SLC7A6: variants seen among roughly 807,000 people sequenced by gnomAD.
SLC7A6 encodes the protein Y+L amino acid transporter 2.
A neutral mutation model predicts 46.6 loss-of-function variants in SLC7A6; 29 were observed. The ratio of observed to expected loss-of-function variants is 0.62; its 90% CI spans 0.46 to 0.85. The LOEUF is 0.85. SLC7A6 is among the 40% of genes least tolerant of loss of function. SLC7A6 has a pLI of 0.00. For missense variants in SLC7A6, 527 were observed against 647.6 expected (o/e 0.81, Z 2.02); for synonymous variants, 276 against 257.3 (o/e 1.07, Z -0.70).
In SLC7A6 at chr16:68,275,011, C is replaced by T; in HGVS notation, c.285C>T (p.Ala95=). 6.2e-7 allele frequency: 1 copy of T among 1,614,096 alleles called. No homozygotes were observed. The highest frequency in any genetic ancestry group is 8.5e-7 in the Non-Finnish European group (1 of 1,180,028). The part of the protein sequence containing the change: ...AIGGLFSVVG[A]LCYAELGTTI... Reference sequence around the variant, plus strand: ...GTGGGCTCTTCTCTGTTGTGGGTGCCCTTTGTTATGCAGAGCTGGGGACCA... The same window carrying T: ...GTGGGCTCTTCTCTGTTGTGGGTGCTCTTTGTTATGCAGAGCTGGGGACCA... Residue 95 remains alanine (A), a synonymous_variant, in exon 3 of 11, where the codon GCC becomes GCT. Coordinates refer to ENST00000219343, the MANE Select transcript of SLC7A6 (RefSeq NM_003983.6).
chr16:68,276,489 G>C (rs1467490142), intron 3 of SLC7A6, among the ~76,000 whole-genome samples: 1 of 152,094 alleles, frequency 6.6e-6, no homozygotes, highest in African/African-American at 2.4e-5. Context: ...TAGCAATAAA[G>C]GACTGTAGAA....
chr16:68,279,208 G>A (rs977813582), intron 3 of SLC7A6, among the ~76,000 whole-genome samples: 2 of 151,276 alleles, frequency 1.3e-5, no homozygotes, highest in South Asian at 2.1e-4. Context: ...CAGTGGCAGT[G>A]GTGTGCATCT....
rs1413856306 is a variant in SLC7A6, at chr16:68,266,574, C to T, written c.-165-19C>T. On this transcript the variant is annotated intron_variant, in intron 1 of 10. Transcript: ENST00000219343. ...AAGAGTTCATTTTTTGATCAGTTCC[C>T]TCCCACTCTTTGTTGCAGAGTTTAT... 6.6e-6 allele frequency: 1 copy of T among 152,036 alleles called. No individual in the cohort carries two copies. Among genetic ancestry groups the T allele is most frequent in the African/African-American group, 2.4e-5 (1 of 41,400 alleles). 9.4% of individuals were successfully genotyped at this position (152,036 alleles called of 1,614,324 possible).
chr16:68,279,170 T>TA (rs66832488), intron 3 of SLC7A6, among the ~76,000 whole-genome samples: 114,773 of 144,950 alleles, frequency 0.79, 45,798 homozygotes, highest in African/African-American at 0.94. Flanking sequence ...ACCCCACCTC[T>TA]AAAAAAAAAA....
chr16:68,276,776 T>C (rs2042719477), intron 3 of SLC7A6, among the ~76,000 whole-genome samples: 1 of 152,106 alleles, frequency 6.6e-6, no homozygotes, highest in Non-Finnish European at 1.5e-5. Context: ...GGTAGGAGGA[T>C]TGCTTGAGCT....
chr16:68,297,479 A>G lies in SLC7A6; in HGVS notation c.*151A>G. 1.8e-6 allele frequency: 1 copy of G among 540,728 alleles called. No individual in the cohort carries two copies. Among genetic ancestry groups the G allele is most frequent in the Non-Finnish European group, 3.1e-6 (1 of 318,068 alleles). The allele number at this position is 540,728 out of a possible 1,614,324, so 33.5% of individuals were successfully genotyped here. On this transcript the variant is annotated 3_prime_UTR_variant, in exon 11 of 11. Coordinates refer to ENST00000219343, the MANE Select transcript of SLC7A6 (RefSeq NM_003983.6). Reference sequence around the variant, plus strand: ...AGGGCCAGTGCTCACTCTTATTGGTAAGCTATAGGAGACTCAGGATCTGGG... The same window carrying G: ...AGGGCCAGTGCTCACTCTTATTGGTGAGCTATAGGAGACTCAGGATCTGGG...
chr16:68,294,754 A>G lies in SLC7A6; in HGVS notation c.1072A>G (p.Met358Val), dbSNP rs1373187973. The G allele has an allele frequency of 4.3e-6, 7 of 1,614,116 alleles. No individual in the cohort carries two copies. The highest frequency in any genetic ancestry group is 2.2e-5 in the East Asian group (1 of 44,882). Reference protein sequence around the residue: ...REGHLPDLLSMIHIERFTPIP... With the variant: ...REGHLPDLLSVIHIERFTPIP... ...GGGCCACCTACCGGACCTTCTGTCC[A>G]TGATCCACATTGAGCGTTTTACACC... Residue 358 changes from methionine to valine, a missense_variant, in exon 8 of 11, where the codon ATG becomes GTG. Coordinates refer to ENST00000219343, the MANE Select transcript of SLC7A6 (RefSeq NM_003983.6).
At chr16:68,285,399 T>A (rs16957799) in intron 3 of SLC7A6, among the ~76,000 whole-genome samples, 6,416 of 152,190 alleles carry the variant, frequency 0.042, 428 homozygotes, top group African/African-American at 0.14. Flanking sequence ...AACTAGGTAA[T>A]CCTTATGTTA....
rs762133138 is a variant in SLC7A6 at position 68,294,922 on chromosome 16, TTCA to T, written c.1119+123_1119+125del. 3.1e-4 allele frequency: 201 copies of T among 657,516 alleles called. 1 individual carries two copies. Among genetic ancestry groups the T allele is most frequent in the Middle Eastern group, 1.9e-3 (7 of 3,696 alleles). The allele number at this position is 657,516 out of a possible 1,614,324, so 40.7% of individuals were successfully genotyped here. On this transcript the variant is annotated intron_variant, in intron 8 of 10. Coordinates refer to ENST00000219343, the MANE Select transcript of SLC7A6 (RefSeq NM_003983.6). ...CCTTACTCTAAGATGTGAAAAACAG[TTCA>T]TTTTTTGTTGTCATTTAATTCTTTT... is the stretch of plus-strand genomic sequence containing the variant.
intron 2 of SLC7A6, among the ~76,000 whole-genome samples, chr16:68,272,354 A>G (rs1403747906): frequency 1.3e-5 from 2 of 152,122 alleles, no homozygotes; most frequent in Admixed American, 6.5e-5. Context: ...GCTTGAGCCT[A>G]GGAGTTGGAG....
At chr16:68,295,581 C>A (rs151063494) in intron 8 of SLC7A6, among the ~76,000 whole-genome samples, 8 of 152,230 alleles carry the variant, frequency 5.3e-5, no homozygotes, top group African/African-American at 9.7e-5. Context: ...CAAGCCACCA[C>A]GCCCAGCCTT....
Position 68,282,421 on chromosome 16 carries a change from CA to C in SLC7A6, c.524-5319del, listed in dbSNP as rs1348109448. On this transcript the variant is annotated intron_variant, in intron 3 of 10. Coordinates refer to ENST00000219343, the MANE Select transcript of SLC7A6 (RefSeq NM_003983.6). ...TCGTCTCTTAAAAAACAAAATAAAACAAAAAACCACAAAAAAACAAGGATAC... is the reference window on the plus strand; with the variant it reads ...TCGTCTCTTAAAAAACAAAATAAAACAAAAACCACAAAAAAACAAGGATAC... Among the ~76,000 whole-genome samples, 6 of 151,846 alleles carry C rather than the reference CA, an allele frequency of 4.0e-5. No individual in the cohort carries two copies. The South Asian group carries it at 1.0e-3, about 26-fold the overall frequency.
intron 1 of SLC7A6, chr16:68,265,519 G>A (rs1157237840): frequency 6.6e-6 from 1 of 152,186 alleles, no homozygotes; most frequent in Non-Finnish European, 1.5e-5. Flanking sequence ...CGGCTGTTCA[G>A]TGCCCAGCCA....
chr16:68,296,673 T>C lies in SLC7A6; in HGVS notation c.1316T>C (p.Leu439Pro), dbSNP rs1025073425. Reference sequence around the variant, plus strand: ...GTGTTCTGCATATGCTCCGTGTTTCTGGTGATAGTGCCCCTCTTCACTGAC... The same window carrying C: ...GTGTTCTGCATATGCTCCGTGTTTCCGGTGATAGTGCCCCTCTTCACTGAC... ...PIVFCICSVF[L>P]VIVPLFTDTI... is the part of the protein sequence containing the mutation. The change falls in exon 10 of 11, where the codon CTG becomes CCG. Residue 439 changes from leucine to proline, a missense_variant. Physicochemically the swap from Leu to Pro is moderately conservative, Grantham distance 98 (BLOSUM62 -3). Coordinates refer to ENST00000219343, the MANE Select transcript of SLC7A6 (RefSeq NM_003983.6). 17 of 1,614,224 alleles carry C rather than the reference T, an allele frequency of 1.1e-5. No homozygotes were observed. Among genetic ancestry groups the C allele is most frequent in the Non-Finnish European group, 1.4e-5 (17 of 1,180,034 alleles).
chr16:68,299,124 G>A lies in SLC7A6; in HGVS notation c.*1796G>A, dbSNP rs892093650. 1 of 152,680 alleles carries A rather than the reference G, an allele frequency of 6.5e-6. No individual in the cohort carries two copies. The highest frequency in any genetic ancestry group is 2.4e-5 in the African/African-American group (1 of 41,462). The allele number at this position is 152,680 out of a possible 1,614,324, so 9.5% of individuals were successfully genotyped here. A position where few individuals can be genotyped will look rare whatever the true frequency, so the allele number is the denominator to read the frequency against. On this transcript the variant is annotated 3_prime_UTR_variant, in exon 11 of 11. Coordinates refer to ENST00000219343, the MANE Select transcript of SLC7A6 (RefSeq NM_003983.6). ...GCAAATTCCTGCCCGACGACAGGGT[G>A]TCTTATGCAAAGGCTGACTTGCCTG... is the stretch of plus-strand genomic sequence containing the variant.
chr16:68,301,581 T>A lies in SLC7A6; in HGVS notation c.*4253T>A, dbSNP rs571102274. On this transcript the variant is annotated 3_prime_UTR_variant, in exon 11 of 11. Transcript: ENST00000219343. Reference sequence around the variant, plus strand: ...TTTTAAAGAAGGAATCACTTTCCTATCATCTAAACCAAGTTCCTTCACACT... The same window carrying A: ...TTTTAAAGAAGGAATCACTTTCCTAACATCTAAACCAAGTTCCTTCACACT... The A allele has an allele frequency of 2.0e-6, 1 of 507,796 alleles. No homozygotes were observed. The highest frequency in any genetic ancestry group is 3.3e-6 in the Non-Finnish European group (1 of 299,314). 31.5% of individuals were successfully genotyped at this position (507,796 alleles called of 1,614,324 possible).
intron 2 of SLC7A6, among the ~76,000 whole-genome samples, chr16:68,271,339 C>CT (rs1351648817): frequency 6.6e-6 from 1 of 152,194 alleles, no homozygotes; most frequent in African/African-American, 2.4e-5. Context: ...GACAGGGTCT[C>CT]TGTCACCCAG....
chr16:68,291,141 A>G, intron 5 of SLC7A6, 68 bp from the exon 6 acceptor site: 29 of 1,601,494 alleles, frequency 1.8e-5, no homozygotes, highest in Non-Finnish European at 2.5e-5. Flanking sequence ...ATCCCAGTGG[A>G]GACTTGATAA....
In SLC7A6 at chr16:68,297,604, A is replaced by C. The variant is rs542830850; in HGVS notation, c.*276A>C. ...CCTGATAGGTAGATGCAGCTCTTAC[A>C]GATATTTACTTGGTAAAGTGCAGTG... On this transcript the variant is annotated 3_prime_UTR_variant, in exon 11 of 11. Coordinates refer to ENST00000219343, the MANE Select transcript of SLC7A6 (RefSeq NM_003983.6). 1 of 343,740 alleles carries C rather than the reference A, an allele frequency of 2.9e-6. No individual in the cohort carries two copies. The highest frequency in any genetic ancestry group is 5.3e-6 in the Non-Finnish European group (1 of 187,990). The allele number at this position is 343,740 out of a possible 1,614,324, so 21.3% of individuals were successfully genotyped here.
Sources: allele counts gnomAD v4.1 joint callset (sites outside exome capture counted in the v4.1 genomes callset), GRCh38; gene constraint gnomAD v4.1.1; transcripts MANE v1.5; gene names NCBI Gene and HGNC (gene_info 2026-07-23, HGNC 2026-07-21).